Variants in SPECC1 observed in about 807,000 individuals in gnomAD.
SPECC1 encodes cytospin-B.
SPECC1 carries 62 observed loss-of-function variants against 104.1 expected under a neutral mutation model. The ratio of observed to expected loss-of-function variants is 0.60; its 90% CI spans 0.49 to 0.74. SPECC1 has a LOEUF of 0.74. SPECC1 is among the 30% of genes least tolerant of loss of function. The pLI, the probability that SPECC1 is intolerant of heterozygous loss-of-function variation, is 0.00. For missense variants in SPECC1, 1,306 were observed against 1,310.5 expected (o/e 1.00, Z 0.05); for synonymous variants, 513 against 501.6 (o/e 1.02, Z -0.30).
intron 1 of SPECC1, among the ~76,000 whole-genome samples, chr17:20,013,568 C>G (rs2044013246): frequency 6.6e-6 from 1 of 152,250 alleles, no homozygotes; most frequent in South Asian, 2.1e-4. Context: ...GTGGCACGAT[C>G]TCCGCTCACT....
At chr17:20,126,244 C>T (rs1286380818) in intron 3 of SPECC1, 4 of 152,116 alleles carry the variant, frequency 2.6e-5, no homozygotes, top group Admixed American at 2.6e-4. Flanking sequence ...GAGTTTATAC[C>T]TTTGTTTATG....
At chr17:20,027,422 A>C (rs1352027886) in intron 1 of SPECC1, among the ~76,000 whole-genome samples, 1 of 151,992 alleles carries the variant, frequency 6.6e-6, no homozygotes, top group East Asian at 1.9e-4. Context: ...GGAGCTTTTT[A>C]GTTTAATAAA....
rs571843723 is a variant in SPECC1 at position 20,273,905 on chromosome 17, A to C, written c.2940+13611A>C. On this transcript the variant is annotated intron_variant, in intron 12 of 14. Coordinates refer to ENST00000395527, the MANE Select transcript of SPECC1 (RefSeq NM_001243439.2). ...TGTCTGTTAATGCCTTTGGAGGAAAAATTCCTTTCTGTGGTTTTCTGGGGC... is the reference window on the plus strand; with the variant it reads ...TGTCTGTTAATGCCTTTGGAGGAAACATTCCTTTCTGTGGTTTTCTGGGGC... 2.0e-5 allele frequency among the ~76,000 whole-genome samples: 3 copies of C among 152,064 alleles called. No individual in the cohort carries two copies. In the South Asian group the frequency reaches 6.2e-4, roughly 32 times the overall value.
intron 13 of SPECC1, among the ~76,000 whole-genome samples, chr17:20,303,580 G>A (rs997354413): frequency 6.6e-5 from 10 of 152,186 alleles, no homozygotes; most frequent in South Asian, 2.1e-4. Flanking sequence ...AGTGAGAGCC[G>A]TGGGGGAAAT....
At chr17:20,243,836 A>G (rs1317104707) in intron 7 of SPECC1, among the ~76,000 whole-genome samples, 1 of 152,220 alleles carries the variant, frequency 6.6e-6, no homozygotes, top group Non-Finnish European at 1.5e-5. Flanking sequence ...TTTTGTTCTT[A>G]TTAAATTATC....
intron 3 of SPECC1, among the ~76,000 whole-genome samples, chr17:20,169,381 TC>T (rs757370313): frequency 1.3e-5 from 2 of 152,156 alleles, no homozygotes; most frequent in Non-Finnish European, 2.9e-5. Flanking sequence ...GTTCTGAAAA[TC>T]AGAAATAGCT....
chr17:20,268,688 C>A lies in SPECC1; in HGVS notation c.2940+8394C>A, dbSNP rs1225202578. On this transcript the variant is annotated intron_variant, in intron 12 of 14. Transcript: ENST00000395527. ...TCTGTACCGTTTCTGACACAGTGGTCTGTGAAGACATTTTCAGTGGCACAG... is the reference window on the plus strand; with the variant it reads ...TCTGTACCGTTTCTGACACAGTGGTATGTGAAGACATTTTCAGTGGCACAG... Among the ~76,000 whole-genome samples, 4 of 152,278 alleles carry A rather than the reference C, an allele frequency of 2.6e-5. No individual in the cohort carries two copies. In the South Asian group the frequency reaches 8.3e-4, roughly 32 times the overall value.
intron 1 of SPECC1, among the ~76,000 whole-genome samples, chr17:20,030,911 C>T (rs944955207): frequency 3.9e-5 from 6 of 152,162 alleles, no homozygotes; most frequent in Non-Finnish European, 8.8e-5. Context: ...TTTGTGCTCT[C>T]ATGAGCCTTG....
intron 4 of SPECC1, among the ~76,000 whole-genome samples, chr17:20,219,682 T>A (rs1253729609): frequency 6.6e-6 from 1 of 152,232 alleles, no homozygotes; most frequent in Non-Finnish European, 1.5e-5. Flanking sequence ...TTTAACTTGA[T>A]GTGATCTCAT....
chr17:20,193,131 AG>A (rs780994373), intron 3 of SPECC1, among the ~76,000 whole-genome samples: 1 of 152,190 alleles, frequency 6.6e-6, no homozygotes, highest in Non-Finnish European at 1.5e-5. Context: ...AATTTCCTGA[AG>A]TTGCTATGAC....
intron 2 of SPECC1, among the ~76,000 whole-genome samples, chr17:20,102,424 G>A (rs1043942020): frequency 1.2e-4 from 19 of 152,196 alleles, no homozygotes; most frequent in African/African-American, 4.1e-4. Context: ...TGCCCTATGG[G>A]AGGGAGGTGG....
chr17:20,297,646 C>G (rs950305431), intron 13 of SPECC1, among the ~76,000 whole-genome samples: 1 of 152,190 alleles, frequency 6.6e-6, no homozygotes, highest in Admixed American at 6.5e-5. Flanking sequence ...GCTAAAGAGG[C>G]CATTGATCAC....
intron 3 of SPECC1, among the ~76,000 whole-genome samples, chr17:20,172,631 C>G (rs115290193): frequency 6.6e-6 from 1 of 152,066 alleles, no homozygotes; most frequent in Non-Finnish European, 1.5e-5. Context: ...GGAGGGGCAG[C>G]CAGGTGCTGG....
At chr17:20,120,385 C>T (rs78454811) in intron 3 of SPECC1, among the ~76,000 whole-genome samples, 1 of 144,972 alleles carries the variant, frequency 6.9e-6, no homozygotes, top group Non-Finnish European at 1.5e-5. Context: ...GACTCAGTCT[C>T]AAAAAAAAAA....
chr17:20,227,592 C>G lies in SPECC1; in HGVS notation c.2043C>G (p.His681Gln). ...AACAGCACCGGGCTGTCAAGTTACA[C>G]AATAATCAACTCATCAGTGAGCTAG... ...QVEQHRAVKL[H>Q]NNQLISELES... is the part of the protein sequence containing the mutation. Residue 681 changes from histidine (H) to glutamine (Q), a missense_variant, in exon 5 of 15, where the codon CAC becomes CAG. By Grantham distance (24) the His-to-Gln change is conservative (BLOSUM62 0). Around this residue, in one of 2 missense-constraint regions of SPECC1, gnomAD observed 1,177 missense variants for 1,139.9 expected, o/e 1.03. Transcript: ENST00000395527. The G allele has an allele frequency of 6.2e-7, 1 of 1,611,604 alleles. No individual in the cohort carries two copies. The highest frequency in any genetic ancestry group is 8.5e-7 in the Non-Finnish European group (1 of 1,179,472).
chr17:20,130,289 G>A (rs1270099305), intron 3 of SPECC1, among the ~76,000 whole-genome samples: 1 of 151,258 alleles, frequency 6.6e-6, no homozygotes, highest in Non-Finnish European at 1.5e-5. Flanking sequence ...GGGCGTGGTG[G>A]CTCACACCTG....
intron 3 of SPECC1, among the ~76,000 whole-genome samples, chr17:20,184,776 A>G (rs1366008654): frequency 6.6e-6 from 1 of 152,254 alleles, no homozygotes; most frequent in Non-Finnish European, 1.5e-5. Flanking sequence ...TATTATTATT[A>G]AAGTAAGTCA....
intron 3 of SPECC1, among the ~76,000 whole-genome samples, chr17:20,113,857 A>G (rs532422133): frequency 6.6e-6 from 1 of 152,362 alleles, no homozygotes; most frequent in South Asian, 2.1e-4. Context: ...CTTCAAAACC[A>G]AAAAACCAAG....
At chr17:20,065,132 C>T (rs1031141045) in intron 1 of SPECC1, among the ~76,000 whole-genome samples, 3 of 152,148 alleles carry the variant, frequency 2.0e-5, no homozygotes, top group Admixed American at 6.5e-5. Context: ...CTGGGTTTTT[C>T]CTCTGCTCTC....
Sources: allele counts gnomAD v4.1 joint callset (sites outside exome capture counted in the v4.1 genomes callset), GRCh38; gene constraint gnomAD v4.1.1; regional missense constraint gnomAD v4.1.1; transcripts MANE v1.5; gene names NCBI Gene and HGNC (gene_info 2026-07-23, HGNC 2026-07-21).